Variants in EFCAB5 observed in about 807,000 individuals in gnomAD.
The protein encoded by EFCAB5 is EF-hand calcium-binding domain-containing protein 5.
A neutral mutation model predicts 167.9 loss-of-function variants in EFCAB5; 131 were observed. The ratio of observed to expected loss-of-function variants is 0.78; its 90% CI spans 0.68 to 0.90. The LOEUF is 0.90. Among genes scored for constraint, EFCAB5 ranks in the 40% least tolerant of loss-of-function variants. The pLI is 0.00. For missense variants in EFCAB5, 1,663 were observed against 1,745.2 expected (o/e 0.95, Z 0.84); for synonymous variants, 574 against 602.8 (o/e 0.95, Z 0.70).
chr17:30,013,443 TG>T (rs1293882129), intron 7 of EFCAB5, among the ~76,000 whole-genome samples: 2 of 152,206 alleles, frequency 1.3e-5, no homozygotes, highest in African/African-American at 2.4e-5. Flanking sequence ...GGACTTTTTT[TG>T]GTTGGTAAGC....
At chr17:29,953,743 G>A (rs975495429) in intron 3 of EFCAB5, among the ~76,000 whole-genome samples, 7 of 152,242 alleles carry the variant, frequency 4.6e-5, no homozygotes, top group African/African-American at 1.7e-4. Context: ...ATGTGGAAGC[G>A]ACTTTGGAAC....
At chr17:30,081,413 T>A (rs1230915340) in intron 17 of EFCAB5, among the ~76,000 whole-genome samples, 1 of 152,208 alleles carries the variant, frequency 6.6e-6, no homozygotes, top group Non-Finnish European at 1.5e-5. Context: ...GATTTCAGTG[T>A]TATAATTTTT....
intron 8 of EFCAB5, among the ~76,000 whole-genome samples, chr17:30,038,592 A>T (rs2069686982): frequency 6.6e-6 from 1 of 152,210 alleles, no homozygotes; most frequent in African/African-American, 2.4e-5. Context: ...AAGTCTTGTT[A>T]CTTAAGAAAT....
At chr17:29,931,701 G>C (rs1247207027) in intron 1 of EFCAB5, among the ~76,000 whole-genome samples, 1 of 152,156 alleles carries the variant, frequency 6.6e-6, no homozygotes, top group African/African-American at 2.4e-5. Flanking sequence ...AGACCAAAGA[G>C]GAAACTAGAT....
At chr17:30,081,293 G>T (rs962399950) in intron 17 of EFCAB5, among the ~76,000 whole-genome samples, 1 of 152,188 alleles carries the variant, frequency 6.6e-6, no homozygotes, top group Non-Finnish European at 1.5e-5. Context: ...AAGCGGGAAT[G>T]AACTTTTAGA....
intron 5 of EFCAB5, among the ~76,000 whole-genome samples, chr17:29,993,559 C>G (rs1302836885): frequency 6.6e-6 from 1 of 151,402 alleles, no homozygotes; most frequent in East Asian, 1.9e-4. Flanking sequence ...GGTTCCCAAA[C>G]TCATCACTAT....
intron 6 of EFCAB5, among the ~76,000 whole-genome samples, chr17:29,998,859 A>C (rs1278336306): frequency 6.6e-6 from 1 of 152,190 alleles, no homozygotes; most frequent in Admixed American, 6.5e-5. Flanking sequence ...TTCTCTTGTA[A>C]GGTCAATAAG....
intron 7 of EFCAB5, among the ~76,000 whole-genome samples, chr17:30,027,985 A>G (rs1335662382): frequency 6.6e-6 from 1 of 152,202 alleles, no homozygotes; most frequent in Non-Finnish European, 1.5e-5. Flanking sequence ...GTTTAAGAAT[A>G]ATTATATGCA....
At chr17:30,073,683 T>G (rs754654301) in intron 14 of EFCAB5, 3 of 714,800 alleles carry the variant, frequency 4.2e-6, no homozygotes, top group Non-Finnish European at 7.8e-6. Context: ...GAGACCAAAT[T>G]TCCATAAAAT....
At chr17:29,943,840 T>C (rs535365077) in intron 3 of EFCAB5, among the ~76,000 whole-genome samples, 191 bp downstream of exon 3, 5 of 152,078 alleles carry the variant, frequency 3.3e-5, no homozygotes, top group Admixed American at 3.3e-4. Flanking sequence ...CTGGGCATAG[T>C]GGCGGGTGCC....
chr17:30,073,668 C>A (rs1378945860), intron 14 of EFCAB5: 2 of 712,700 alleles, frequency 2.8e-6, no homozygotes, highest in African/African-American at 1.8e-5. Flanking sequence ...AAGTTTTTTC[C>A]TCTTGAGACC....
At chr17:30,101,546 T>G (rs1041315674) in intron 22 of EFCAB5, among the ~76,000 whole-genome samples, 1 of 152,158 alleles carries the variant, frequency 6.6e-6, no homozygotes, top group African/African-American at 2.4e-5. Flanking sequence ...GAAGTAGAGA[T>G]GTGACTATGT....
At position 30,101,147 on chromosome 17, in the gene EFCAB5, C is replaced by T. The variant is rs1312919684; in HGVS notation, c.4322-6687C>T. Among the ~76,000 whole-genome samples the T allele has an allele frequency of 2.6e-5, 4 of 152,124 alleles. No homozygotes were observed. In the East Asian group the frequency reaches 7.7e-4, roughly 29 times the overall value. On this transcript the variant is annotated intron_variant, in intron 22 of 22. Transcript: ENST00000394835. ...GGATTACAAGCATGAGCCACAACAC[C>T]CAGTGAATTAGAGCCATTGCAAGGT...
chr17:30,024,965 A>G (rs1373580646), intron 7 of EFCAB5, among the ~76,000 whole-genome samples: 1 of 151,448 alleles, frequency 6.6e-6, no homozygotes, highest in African/African-American at 2.4e-5. Context: ...TGGTGCTGGG[A>G]AAACTGGCTA....
Position 29,969,377 on chromosome 17 carries a change from G to C in EFCAB5, c.767+10G>C. ...ACACTATCTGCAACAGGTACAATCT[G>C]TTATAGTTTCAGTTCATGATCTGTC... On this transcript the variant is annotated intron_variant, in intron 4 of 22. Transcript: ENST00000394835. 6.5e-7 allele frequency: 1 copy of C among 1,548,902 alleles called. No homozygotes were observed. Among genetic ancestry groups the C allele is most frequent in the Non-Finnish European group, 8.7e-7 (1 of 1,150,966 alleles).
intron 4 of EFCAB5, among the ~76,000 whole-genome samples, chr17:29,987,428 GTTA>G (rs1206636980): frequency 6.6e-6 from 1 of 152,042 alleles, no homozygotes; most frequent in Non-Finnish European, 1.5e-5. Flanking sequence ...TCTACCCCAA[GTTA>G]TTATTTTACC....
intron 7 of EFCAB5, among the ~76,000 whole-genome samples, chr17:30,033,898 T>G (rs2069547898): frequency 6.6e-6 from 1 of 152,240 alleles, no homozygotes; most frequent in African/African-American, 2.4e-5. Context: ...TTAGGACTTT[T>G]AATTTGCAGG....
intron 1 of EFCAB5, among the ~76,000 whole-genome samples, chr17:29,931,214 C>T (rs553884993): frequency 1.1e-4 from 16 of 152,256 alleles, no homozygotes; most frequent in Admixed American, 8.5e-4. Flanking sequence ...GTAAATACCA[C>T]CGTACATATC....
intron 18 of EFCAB5, among the ~76,000 whole-genome samples, 158 bp downstream of exon 18, chr17:30,083,201 C>G (rs1255791017): frequency 2.0e-5 from 3 of 152,248 alleles, no homozygotes; most frequent in African/African-American, 7.2e-5. Flanking sequence ...AGGAATCCAT[C>G]TCAAATTGCC....
Sources: gnomAD v4.1 joint callset for allele counts (sites outside exome capture counted in the v4.1 genomes callset) on GRCh38, gnomAD v4.1.1 for gene constraint, MANE v1.5 for transcripts, NCBI Gene and HGNC (gene_info 2026-07-23, HGNC 2026-07-21) for gene names.